TRMT2A: variants seen among roughly 807,000 people sequenced by gnomAD.
TRMT2A encodes tRNA methyltransferase 2A.
A neutral mutation model predicts 59.3 loss-of-function variants in TRMT2A; 60 were observed. The observed-to-expected ratio is 1.01, with a 90% CI of 0.82 to 1.26. TRMT2A has a LOEUF of 1.26. Among genes scored for constraint, TRMT2A ranks in the 50% most tolerant of loss-of-function variants. The pLI, the probability that TRMT2A is intolerant of heterozygous loss-of-function variation, is 0.00. For synonymous variants in TRMT2A, 403 were observed against 353.7 expected, an observed-to-expected ratio of 1.14 and a Z score of -1.56; for missense variants, 863 against 845.2, an observed-to-expected ratio of 1.02 and a Z score of -0.26.
At position 20,114,972 on chromosome 22, in the gene TRMT2A, T is replaced by C; in HGVS notation, c.998A>G (p.His333Arg). Residue 333 changes from histidine (H) to arginine (R), a missense_variant, in exon 5 of 12, where the codon CAC becomes CGC. Physicochemically the swap from His to Arg is conservative, Grantham distance 29. Coordinates refer to ENST00000252136, the MANE Select transcript of TRMT2A (RefSeq NM_022727.6). ...CAGGGCCCCCGTTGAGACCTGGGGG[T>C]GGAAGTAGGCAATGGCCATGGCCTG... The part of the protein sequence containing the change: ...RHQAMAIAYF[H>R]PQKLSPEELA... 1 of 1,590,218 alleles carries C rather than the reference T, an allele frequency of 6.3e-7. No individual in the cohort carries two copies. Among genetic ancestry groups the C allele is most frequent in the Non-Finnish European group, 8.5e-7 (1 of 1,169,882 alleles).
Position 20,113,101 on chromosome 22 carries a change from A to C in TRMT2A, c.1549+17T>G. On this transcript the variant is annotated intron_variant, in intron 10 of 11. Coordinates refer to ENST00000252136, the MANE Select transcript of TRMT2A (RefSeq NM_022727.6). ...GTCCTCGTTCCCGTGCCACCTCCTT[A>C]AGCAAAAGCCACTCACGCAAGCCAG... is the stretch of plus-strand genomic sequence containing the variant. 6.2e-7 allele frequency: 1 copy of C among 1,608,474 alleles called. No individual in the cohort carries two copies. Among genetic ancestry groups the C allele is most frequent in the Non-Finnish European group, 8.5e-7 (1 of 1,176,430 alleles).
At chr22:20,114,939 T>C in intron 5 of TRMT2A, 26 bp downstream of exon 5, 1 of 1,571,076 alleles carries the variant, frequency 6.4e-7, no homozygotes. Flanking sequence ...CTAGGCACCC[T>C]CCCCCAGCAG....
chr22:20,117,076 C>CGCCTGGGGCGA lies in TRMT2A; in HGVS notation c.-171_-170insTCGCCCCAGGC. The CGCCTGGGGCGA allele has an allele frequency of 1.1e-6, 1 of 882,638 alleles. No individual in the cohort carries two copies. Among genetic ancestry groups the CGCCTGGGGCGA allele is most frequent in the Non-Finnish European group, 1.7e-6 (1 of 578,038 alleles). The allele number at this position is 882,638 out of a possible 1,614,324, so 54.7% of individuals were successfully genotyped here. A position where few individuals can be genotyped will look rare whatever the true frequency, so the allele number is the denominator to read the frequency against. ...GTCGCCGCCACCCCCGGCTTCGCCC[C>CGCCTGGGGCGA]AGGCGGGGCGGGACTCGAACCTGCG... On this transcript the variant is annotated 5_prime_UTR_variant, in exon 1 of 12. Transcript: ENST00000252136.
rs758904693 is a variant in TRMT2A at position 20,113,465 on chromosome 22, C to T, written c.1399G>A (p.Val467Met). ...VIGVELCPEA[V>M]EDARVNAQDN... is the part of the protein sequence containing the mutation. The stretch of plus-strand genomic sequence containing the variant: ...TGGGCGTTCACCCGGGCGTCCTCCA[C>T]AGCCTCTGGGCATAGCTCGACCCCA... The change falls in exon 9 of 12, where the codon GTG becomes ATG. Residue 467 changes from valine to methionine, a missense_variant. Coordinates refer to ENST00000252136, the MANE Select transcript of TRMT2A (RefSeq NM_022727.6). 3 of 1,613,316 alleles carry T rather than the reference C, an allele frequency of 1.9e-6. No homozygotes were observed. Among genetic ancestry groups the T allele is most frequent in the South Asian group, 1.1e-5 (1 of 91,078 alleles).
intron 7 of TRMT2A, among the ~76,000 whole-genome samples, chr22:20,114,130 CG>C (rs1259515078): frequency 1.9e-4 from 29 of 152,188 alleles, no homozygotes; most frequent in Middle Eastern, 3.2e-3. Context: ...CAACTCACAC[CG>C]GGGCCCCTGG....
chr22:20,112,552 GGGTCCTGGGCCTAGGATGAGGGGAA>G lies in TRMT2A; in HGVS notation c.1864_*10del, dbSNP rs758175005. 6.2e-6 allele frequency: 10 copies of G among 1,611,946 alleles called. No homozygotes were observed. In the East Asian group the frequency reaches 2.2e-4, roughly 36 times the overall value. ...GCCCTTCAGCTCCTGTCCCCATAAT[GGGTCCTGGGCCTAGGATGAGGGGAA>G]GGTCCCAGTTTCTTGTAGGGTGTTA... On this transcript the variant is annotated stop_lost and 3_prime_UTR_variant, in exon 12 of 12. Transcript: ENST00000252136.
chr22:20,113,406 C>T (rs778100709), intron 9 of TRMT2A, 26 bp downstream of exon 9: 26 of 1,534,976 alleles, frequency 1.7e-5, no homozygotes, highest in Non-Finnish European at 2.0e-5. Flanking sequence ...CCCATCCCCA[C>T]CCCCACCCAC....
rs746004734 is a variant in TRMT2A at position 20,113,282 on chromosome 22, G to C, written c.1433-48C>G. 2.6e-6 allele frequency: 4 copies of C among 1,515,716 alleles called. No homozygotes were observed. In the African/African-American group the frequency reaches 5.5e-5, roughly 21 times the overall value. 93.9% of individuals were successfully genotyped at this position (1,515,716 alleles called of 1,614,324 possible). ...TGTCAGAGGGCCACATGCCCTCCCAGCAGGGCCAGCCCTGGGGAACCCCTA... is the reference window on the plus strand; with the variant it reads ...TGTCAGAGGGCCACATGCCCTCCCACCAGGGCCAGCCCTGGGGAACCCCTA... On this transcript the variant is annotated intron_variant, in intron 9 of 11. Transcript: ENST00000252136.
Position 20,115,016 on chromosome 22 carries a change from C to T in TRMT2A, c.954G>A (p.Val318=). ...TGGCCTGGTGGCGGCGGCTGGTGCG[C>T]ACAGTCAGCTGCTTCCAGTGGCCTG... ...TYTGHWKQLT[V]RTSRRHQAMA... The change falls in exon 5 of 12, where the codon GTG becomes GTA. Residue 318 remains valine, a synonymous_variant. Coordinates refer to ENST00000252136, the MANE Select transcript of TRMT2A (RefSeq NM_022727.6). 2 of 1,599,730 alleles carry T rather than the reference C, an allele frequency of 1.3e-6. No homozygotes were observed. Among genetic ancestry groups the T allele is most frequent in the South Asian group, 1.1e-5 (1 of 88,586 alleles).
chr22:20,113,829 G>A, intron 7 of TRMT2A, 21 bp from the exon 8 acceptor site: 1 of 1,536,842 alleles, frequency 6.5e-7, no homozygotes, highest in South Asian at 1.2e-5. Context: ...GCGGTGCCCA[G>A]GATGTCAGTG....
Position 20,113,483 on chromosome 22 carries a change from C to G in TRMT2A, c.1381G>C (p.Glu461Gln), listed in dbSNP as rs1005499939. 6.2e-7 allele frequency: 1 copy of G among 1,613,410 alleles called. No homozygotes were observed. Among genetic ancestry groups the G allele is most frequent in the Non-Finnish European group, 8.5e-7 (1 of 1,179,928 alleles). Residue 461 changes from glutamate (E) to glutamine (Q), a missense_variant, in exon 9 of 12, where the codon GAG becomes CAG. Physicochemically the swap from Glu to Gln is conservative, Grantham distance 29. Transcript: ENST00000252136. Reference sequence around the variant, plus strand: ...TCCTCCACAGCCTCTGGGCATAGCTCGACCCCAATGACCCTCTTTACCTTC... The same window carrying G: ...TCCTCCACAGCCTCTGGGCATAGCTGGACCCCAATGACCCTCTTTACCTTC... ...ARKVKRVIGV[E>Q]LCPEAVEDAR... is the part of the protein sequence containing the mutation.
intron 9 of TRMT2A, 83 bp from the exon 10 acceptor site, chr22:20,113,317 C>T: frequency 1.3e-6 from 2 of 1,506,724 alleles, no homozygotes; most frequent in Admixed American, 4.2e-5. Flanking sequence ...AGCCAAAGAG[C>T]TTGCTCACTT....
Position 20,114,952 on chromosome 22 carries a change from C to G in TRMT2A, c.1005+13G>C, listed in dbSNP as rs747913448. 1 of 1,577,934 alleles carries G rather than the reference C, an allele frequency of 6.3e-7. No homozygotes were observed. Among genetic ancestry groups the G allele is most frequent in the African/African-American group, 1.3e-5 (1 of 74,432 alleles). On this transcript the variant is annotated intron_variant, in intron 5 of 11. Coordinates refer to ENST00000252136, the MANE Select transcript of TRMT2A (RefSeq NM_022727.6). ...GGCTAGGCACCCTCCCCCAGCAGGG[C>G]CCCCGTTGAGACCTGGGGGTGGAAG...
Position 20,113,122 on chromosome 22 carries a change from G to A in TRMT2A, c.1545C>T (p.Gly515=). The change falls in exon 10 of 12, where the codon GGC becomes GGT. Residue 515 remains glycine, a synonymous_variant. Transcript: ENST00000252136. ...LVAILDPPRA[G]LHSKVILAIR... ...CCTTAAGCAAAAGCCACTCACGCAA[G>A]CCAGCACGGGGTGGGTCCAGGATGG... The A allele has an allele frequency of 6.2e-7, 1 of 1,604,638 alleles. No homozygotes were observed. The highest frequency in any genetic ancestry group is 8.5e-7 in the Non-Finnish European group (1 of 1,174,330).
chr22:20,116,628 T>C lies in TRMT2A; in HGVS notation c.25-16A>G. ...GCTTCGGGCCCTGTGTGGGGACAGA[T>C]GGGGTGCTAGGGTGAGGACTAGGCC... On this transcript the variant is annotated splice_polypyrimidine_tract_variant and intron_variant, in intron 1 of 11. Coordinates refer to ENST00000252136, the MANE Select transcript of TRMT2A (RefSeq NM_022727.6). 1 of 1,527,754 alleles carries C rather than the reference T, an allele frequency of 6.5e-7. No homozygotes were observed. Among genetic ancestry groups the C allele is most frequent in the Non-Finnish European group, 8.7e-7 (1 of 1,143,632 alleles). The allele number at this position is 1,527,754 out of a possible 1,614,324, so 94.6% of individuals were successfully genotyped here.
chr22:20,113,410 C>A (rs1402876817), intron 9 of TRMT2A, 22 bp downstream of exon 9: 1 of 1,561,844 alleles, frequency 6.4e-7, no homozygotes, highest in Non-Finnish European at 8.7e-7. Flanking sequence ...TCCCCACCCC[C>A]ACCCACGGCC....
intron 1 of TRMT2A, 31 bp downstream of exon 1, chr22:20,116,852 C>G: frequency 1.3e-6 from 2 of 1,599,492 alleles, no homozygotes; most frequent in Non-Finnish European, 8.5e-7. Context: ...ACCCCATCCC[C>G]GTCTCTACCC....
Position 20,116,260 on chromosome 22 carries a change from A to T in TRMT2A, c.377T>A (p.Leu126Gln), listed in dbSNP as rs202065505. 2.6e-5 allele frequency: 42 copies of T among 1,612,960 alleles called. No individual in the cohort carries two copies. Among genetic ancestry groups the T allele is most frequent in the Non-Finnish European group, 3.5e-5 (41 of 1,180,020 alleles). The stretch of plus-strand genomic sequence containing the variant: ...CCAGAGGGCACCATGCAAAACGCGC[A>T]GGGCCTTGTCCCTCTCTGCAGCGCT... ...FRSAAERDKA[L>Q]RVLHGALWKG... The change falls in exon 2 of 12, where the codon CTG (leucine) becomes CAG (glutamine). Residue 126 changes from leucine to glutamine, a missense_variant. Leu to Gln is a moderately radical substitution (Grantham distance 113). Transcript: ENST00000252136.
chr22:20,113,935 C>A, intron 7 of TRMT2A, 127 bp from the exon 8 acceptor site: 1 of 1,299,962 alleles, frequency 7.7e-7, no homozygotes, highest in Non-Finnish European at 1.0e-6. Flanking sequence ...ACCTTGGTGC[C>A]CAACGTCTTC....
Sources: gnomAD v4.1 joint callset for allele counts (sites outside exome capture counted in the v4.1 genomes callset) on GRCh38, gnomAD v4.1.1 for gene constraint, MANE v1.5 for transcripts, NCBI Gene and HGNC (gene_info 2026-07-23, HGNC 2026-07-21) for gene names.